The following ZBTB20 variants were observed in gnomAD, a reference collection of about 807,000 sequenced individuals.
ZBTB20 encodes the protein zinc finger and BTB domain containing 20, also known as zinc finger and BTB domain-containing protein 20.
Under a neutral mutation model 56.9 loss-of-function variants are expected in ZBTB20, and 9 were observed. The observed-to-expected ratio is 0.16, with a 90% CI of 0.10 to 0.28. ZBTB20 has a LOEUF of 0.28. Ranked by LOEUF, ZBTB20 falls within the 10% of genes least tolerant of loss-of-function variation. ZBTB20 has a pLI of 1.00. For synonymous variants in ZBTB20, 417 were observed against 420.7 expected (o/e 0.99, Z 0.11); for missense variants, 655 against 1,003.0 (o/e 0.65, Z 4.69).
At chr3:115,013,096 G>GTTA (rs1216859008) in intron 2 of ZBTB20, among the ~76,000 whole-genome samples, 1 of 151,528 alleles carries the variant, frequency 6.6e-6, no homozygotes, top group Non-Finnish European at 1.5e-5. Context: ...ATAGCTTTAA[G>GTTA]TACTTACATG....
At chr3:114,457,430 T>G (rs539122996) in intron 7 of ZBTB20, among the ~76,000 whole-genome samples, 1 of 152,116 alleles carries the variant, frequency 6.6e-6, no homozygotes, top group Non-Finnish European at 1.5e-5. Flanking sequence ...AGCATGTAGG[T>G]TCAAGACATG....
chr3:114,614,759 T>C lies in ZBTB20; in HGVS notation c.-295+78769A>G, dbSNP rs150366233. Among the ~76,000 whole-genome samples, 301 of 152,028 alleles carry C rather than the reference T, an allele frequency of 2.0e-3. 3 individuals are homozygous for C. Among genetic ancestry groups the C allele is most frequent in the African/African-American group, 6.9e-3 (286 of 41,504 alleles). ...TTTTTTTGTTTGTTTGTTTGTTTGT[T>C]TGTTTGTTTTGAGACGGAGTCTTGC... is the stretch of plus-strand genomic sequence containing the variant. On this transcript the variant is annotated intron_variant, in intron 6 of 11. Coordinates refer to ENST00000675478, the MANE Select transcript of ZBTB20 (RefSeq NM_001348800.3).
intron 1 of ZBTB20, among the ~76,000 whole-genome samples, chr3:115,125,452 T>C (rs899431879): frequency 1.2e-4 from 18 of 151,900 alleles, no homozygotes; most frequent in African/African-American, 3.6e-4. Flanking sequence ...TGAAAGACAC[T>C]ATACCAAGTG....
At chr3:114,694,061 G>A (rs986585257) in intron 5 of ZBTB20, among the ~76,000 whole-genome samples, 1 of 152,004 alleles carries the variant, frequency 6.6e-6, no homozygotes, top group Non-Finnish European at 1.5e-5. Context: ...AATGGTGGGA[G>A]AATAAGCTAT....
intron 4 of ZBTB20, among the ~76,000 whole-genome samples, chr3:114,823,796 T>A (rs2073376298): frequency 6.6e-6 from 1 of 152,072 alleles, no homozygotes; most frequent in South Asian, 2.1e-4. Flanking sequence ...ATCCATGCAT[T>A]TGAACTGTAG....
chr3:114,760,509 C>T (rs1020338646), intron 5 of ZBTB20, among the ~76,000 whole-genome samples: 1 of 152,154 alleles, frequency 6.6e-6, no homozygotes. Flanking sequence ...AACCCTTTCT[C>T]AAACTGTTAC....
chr3:114,323,696 T>C lies in ZBTB20; in HGVS notation c.*15309A>G, dbSNP rs2108009416. 1 of 152,314 alleles carries C rather than the reference T, an allele frequency of 6.6e-6. No individual in the cohort carries two copies. The highest frequency in any genetic ancestry group is 2.1e-4 in the South Asian group (1 of 4,828). 9.4% of individuals were successfully genotyped at this position (152,314 alleles called of 1,614,324 possible). Reference sequence around the variant, plus strand: ...TAAACTTTTTCTTAAATGTTCTTAATTGCTGTACTAACTCAGCTTCTTTAC... The same window carrying C: ...TAAACTTTTTCTTAAATGTTCTTAACTGCTGTACTAACTCAGCTTCTTTAC... On this transcript the variant is annotated 3_prime_UTR_variant, in exon 12 of 12. Coordinates refer to ENST00000675478, the MANE Select transcript of ZBTB20 (RefSeq NM_001348800.3).
At chr3:114,733,586 ACTTTTCTACCT>A (rs1300154832) in intron 5 of ZBTB20, among the ~76,000 whole-genome samples, 2 of 152,064 alleles carry the variant, frequency 1.3e-5, no homozygotes, top group South Asian at 2.1e-4. Context: ...ATTTAATTAC[ACTTTTCTACCT>A]CTTTTCTACC....
chr3:114,735,763 A>G (rs1290878), intron 5 of ZBTB20, among the ~76,000 whole-genome samples: 1 of 152,064 alleles, frequency 6.6e-6, no homozygotes, highest in African/African-American at 2.4e-5. Flanking sequence ...TTATTTTTCA[A>G]TCAAAATATA....
chr3:114,765,523 C>T (rs905375516), intron 5 of ZBTB20, among the ~76,000 whole-genome samples: 4 of 152,128 alleles, frequency 2.6e-5, no homozygotes, highest in African/African-American at 9.7e-5. Flanking sequence ...TCCCACAACC[C>T]TCATAAGGAA....
chr3:115,119,321 T>G (rs1189558283), intron 1 of ZBTB20, among the ~76,000 whole-genome samples: 3 of 152,214 alleles, frequency 2.0e-5, no homozygotes, highest in African/African-American at 7.2e-5. Flanking sequence ...TTAACCCTTT[T>G]GTACTCATCA....
In ZBTB20 at chr3:114,918,194, C is replaced by A. The variant is rs559452411; in HGVS notation, c.-455-17852G>T. On this transcript the variant is annotated intron_variant, in intron 3 of 11. Transcript: ENST00000675478. ...AGCTACTGTCAATGTTCATTCAAGACCCAAAGGTTCTTCAGTCAGCTTGTG... is the reference window on the plus strand; with the variant it reads ...AGCTACTGTCAATGTTCATTCAAGAACCAAAGGTTCTTCAGTCAGCTTGTG... Among the ~76,000 whole-genome samples, 6 of 152,224 alleles carry A rather than the reference C, an allele frequency of 3.9e-5. No homozygotes were observed. In the East Asian group the frequency reaches 1.2e-3, roughly 30 times the overall value.
chr3:114,698,416 T>A (rs926521374), intron 5 of ZBTB20, among the ~76,000 whole-genome samples: 1 of 152,080 alleles, frequency 6.6e-6, no homozygotes, highest in African/African-American at 2.4e-5. Flanking sequence ...TTTACTTTTG[T>A]TTGGGTGGAA....
At chr3:114,725,832 G>C (rs2065236490) in intron 5 of ZBTB20, among the ~76,000 whole-genome samples, 1 of 152,174 alleles carries the variant, frequency 6.6e-6, no homozygotes, top group African/African-American at 2.4e-5. Context: ...AAGTTTTTCA[G>C]CATTATACAA....
intron 6 of ZBTB20, among the ~76,000 whole-genome samples, chr3:114,536,182 C>T (rs932116222): frequency 1.3e-5 from 2 of 152,060 alleles, no homozygotes; most frequent in Admixed American, 1.3e-4. Context: ...AAAGGGTATT[C>T]AAATAGGAAG....
At chr3:114,630,281 G>A (rs921081672) in intron 6 of ZBTB20, among the ~76,000 whole-genome samples, 1 of 152,140 alleles carries the variant, frequency 6.6e-6, no homozygotes, top group African/African-American at 2.4e-5. Context: ...AAAATCTCCT[G>A]GACCCCTGGA....
chr3:114,813,066 C>T (rs1018120886), intron 4 of ZBTB20, among the ~76,000 whole-genome samples: 1 of 152,234 alleles, frequency 6.6e-6, no homozygotes, highest in Non-Finnish European at 1.5e-5. Context: ...CTGAGGGAGC[C>T]GGCTCCGGCC....
intron 4 of ZBTB20, among the ~76,000 whole-genome samples, chr3:114,842,632 C>G (rs2074431817): frequency 6.6e-6 from 1 of 152,158 alleles, no homozygotes; most frequent in Admixed American, 6.5e-5. Flanking sequence ...GGTTAAGGAA[C>G]ACTTCTTAGA....
At chr3:115,095,382 T>C (rs1197446846) in intron 1 of ZBTB20, among the ~76,000 whole-genome samples, 2 of 152,100 alleles carry the variant, frequency 1.3e-5, no homozygotes, top group African/African-American at 4.8e-5. Context: ...TGTCAAAAGA[T>C]TCCAGAAAGG....
Sources: gnomAD v4.1 joint callset for allele counts (sites outside exome capture counted in the v4.1 genomes callset) on GRCh38, gnomAD v4.1.1 for gene constraint, MANE v1.5 for transcripts, NCBI Gene and HGNC (gene_info 2026-07-23, HGNC 2026-07-21) for gene names.